Variants in AP3B1 observed in about 807,000 individuals in gnomAD.
The protein encoded by AP3B1 is adaptor related protein complex 3 subunit beta 1.
Under a neutral mutation model 132.5 loss-of-function variants are expected in AP3B1, and 61 were observed. The ratio of observed to expected loss-of-function variants is 0.46; its 90% CI spans 0.37 to 0.57. AP3B1 has a LOEUF of 0.57. Among genes scored for constraint, AP3B1 ranks in the 20% least tolerant of loss-of-function variants. The probability of loss-of-function intolerance (pLI) is 0.00; values close to 1 mark genes in which losing one functional copy is unlikely to be tolerated. For missense variants in AP3B1, 1,120 were observed against 1,289.4 expected, an observed-to-expected ratio of 0.87 and a Z score of 2.01; for synonymous variants, 388 against 438.3, an observed-to-expected ratio of 0.89 and a Z score of 1.43.
rs572179120 is a variant in AP3B1, at chr5:78,148,609, T to C, written c.1474-7290A>G. On this transcript the variant is annotated intron_variant, in intron 14 of 26. Transcript: ENST00000255194. The stretch of plus-strand genomic sequence containing the variant: ...TTTTTAGTTCTAGGTTAATAGAATT[T>C]TCCTTATATTATGCCCCCTTCTTTA... Among the ~76,000 whole-genome samples the C allele has an allele frequency of 1.0e-3, 152 of 152,308 alleles. 2 individuals carry two copies. Among genetic ancestry groups the C allele is most frequent in the Non-Finnish European group, 8.8e-5 (6 of 68,018 alleles).
rs1746510752 is a variant in AP3B1, at chr5:78,228,893, CAAG to C, written c.280-657_280-655del. 3.9e-5 allele frequency among the ~76,000 whole-genome samples: 6 copies of C among 152,158 alleles called. No homozygotes were observed. In the South Asian group the frequency reaches 1.2e-3, roughly 32 times the overall value. ...ATACCAATTTAACGTAATAAAAATT[CAAG>C]AAGATTGGATGTGTGTTCTGGAAAC... On this transcript the variant is annotated intron_variant, in intron 3 of 26. Transcript: ENST00000255194.
intron 21 of AP3B1, among the ~76,000 whole-genome samples, chr5:78,096,779 C>T (rs1242453973): frequency 1.1e-4 from 16 of 151,636 alleles, no homozygotes; most frequent in African/African-American, 1.7e-4. Context: ...GCCCGGCAGC[C>T]GCCCCGTCTG....
chr5:78,110,166 G>C, intron 20 of AP3B1, 41 bp downstream of exon 20: 1 of 1,552,452 alleles, frequency 6.4e-7, no homozygotes, highest in Non-Finnish European at 8.8e-7. Flanking sequence ...GTTGCTATAA[G>C]AATATTTACC....
intron 7 of AP3B1, among the ~76,000 whole-genome samples, chr5:78,204,095 T>G (rs1386649115): frequency 6.6e-6 from 1 of 152,170 alleles, no homozygotes; most frequent in Non-Finnish European, 1.5e-5. Flanking sequence ...TTTCCATTAC[T>G]TTCTTTTTTT....
chr5:78,172,237 G>A (rs530358442), intron 11 of AP3B1, among the ~76,000 whole-genome samples: 3 of 152,258 alleles, frequency 2.0e-5, no homozygotes, highest in East Asian at 3.9e-4. Context: ...TTTAGTATCA[G>A]GATGATGCTG....
chr5:78,168,033 A>C (rs527879527), intron 11 of AP3B1, among the ~76,000 whole-genome samples: 1 of 151,672 alleles, frequency 6.6e-6, no homozygotes, highest in Non-Finnish European at 1.5e-5. Flanking sequence ...AAAAAACAAA[A>C]AAAATAAAAC....
intron 1 of AP3B1, among the ~76,000 whole-genome samples, chr5:78,283,220 C>T (rs1479774849): frequency 1.3e-5 from 2 of 152,070 alleles, no homozygotes; most frequent in Non-Finnish European, 2.9e-5. Context: ...AATAATCTGT[C>T]CAAGTACCAT....
At chr5:78,197,662 T>G (rs1344243196) in intron 7 of AP3B1, among the ~76,000 whole-genome samples, 3 of 152,186 alleles carry the variant, frequency 2.0e-5, no homozygotes, top group Admixed American at 6.5e-5. Flanking sequence ...ATGGATTTCC[T>G]AAGAAATAAA....
intron 1 of AP3B1, among the ~76,000 whole-genome samples, chr5:78,273,024 C>CACATATATGTATGCATATACAT (rs1748614473): frequency 6.6e-6 from 1 of 152,160 alleles, no homozygotes; most frequent in Admixed American, 6.5e-5. Context: ...TACATATACA[C>CACATATATGTATGCATATACAT]ACATATATGT....
At chr5:78,009,467 A>T (rs1010228160) in intron 26 of AP3B1, among the ~76,000 whole-genome samples, 1 of 152,068 alleles carries the variant, frequency 6.6e-6, no homozygotes, top group African/African-American at 2.4e-5. Context: ...AAAAGAAAAA[A>T]AAAAAGAAAT....
intron 7 of AP3B1, among the ~76,000 whole-genome samples, chr5:78,190,728 T>A (rs886382359): frequency 4.7e-4 from 72 of 152,308 alleles, no homozygotes; most frequent in African/African-American, 1.7e-3. Flanking sequence ...ATCAGTTTAT[T>A]GAACATTATA....
intron 1 of AP3B1, among the ~76,000 whole-genome samples, chr5:78,272,613 G>A (rs1246014004): frequency 6.6e-6 from 1 of 152,024 alleles, no homozygotes; most frequent in Non-Finnish European, 1.5e-5. Context: ...TAATAAATAA[G>A]ACATTTTTAA....
chr5:78,074,384 TCACA>T (rs1749673540), intron 22 of AP3B1, among the ~76,000 whole-genome samples: 2 of 152,154 alleles, frequency 1.3e-5, no homozygotes, highest in South Asian at 4.1e-4. Context: ...CAAAATACTG[TCACA>T]CTTTAATTTA....
intron 19 of AP3B1, among the ~76,000 whole-genome samples, chr5:78,112,164 G>A (rs192444930): frequency 6.2e-4 from 95 of 152,282 alleles, no homozygotes; most frequent in African/African-American, 2.2e-3. Flanking sequence ...GGGGGAGGGA[G>A]AGGAGTGAGA....
downstream of AP3B1, chr5:78,001,752 AC>A (rs1463138866): frequency 6.6e-6 from 1 of 152,198 alleles, no homozygotes; most frequent in Non-Finnish European, 1.5e-5. Context: ...GTGGCTCTAT[AC>A]AAAAAGAACT....
Position 78,116,203 on chromosome 5 carries a change from T to A in AP3B1, c.2000A>T (p.Lys667Met). 1 of 1,613,840 alleles carries A rather than the reference T, an allele frequency of 6.2e-7. No individual in the cohort carries two copies. The highest frequency in any genetic ancestry group is 8.5e-7 in the Non-Finnish European group (1 of 1,179,828). ...AAACTTCTTAGCAGAATTCTCTTGC[T>A]TTGCTTTTCCTGCTGGGGTCCATTC... ...AKEWTPAGKA[K>M]QENSAKKFYS... The change falls in exon 18 of 27, where the codon AAG becomes ATG. Residue 667 changes from lysine (K) to methionine (M), a missense_variant. By Grantham distance (95) the Lys-to-Met change is moderately conservative. Transcript: ENST00000255194.
At chr5:78,265,320 G>C (rs1748274532) in intron 2 of AP3B1, among the ~76,000 whole-genome samples, 1 of 152,018 alleles carries the variant, frequency 6.6e-6, no homozygotes, top group South Asian at 2.1e-4. Context: ...GTACACATCT[G>C]TAGTCCCTGC....
intron 22 of AP3B1, among the ~76,000 whole-genome samples, chr5:78,059,087 G>A (rs1748935762): frequency 6.6e-6 from 1 of 152,224 alleles, no homozygotes; most frequent in Admixed American, 6.5e-5. Flanking sequence ...TGAGATTGGA[G>A]GTCATTCTGG....
chr5:78,239,472 GA>G lies in AP3B1; in HGVS notation c.279+1389del, dbSNP rs1302357220. 8.8e-3 allele frequency among the ~76,000 whole-genome samples: 346 copies of G among 39,522 alleles called. 2 individuals carry two copies. Among genetic ancestry groups the G allele is most frequent in the African/African-American group, 0.022 (242 of 11,042 alleles). 25.9% of individuals were successfully genotyped at this position (39,522 alleles called of 152,430 possible). ...GGAGATAGAGAGGAACCCTGTCTCA[GA>G]AAAAAAAAAAAAAAAAAAAGCCAGG... is the stretch of plus-strand genomic sequence containing the variant. On this transcript the variant is annotated intron_variant, in intron 3 of 26. Transcript: ENST00000255194.
Sources: allele counts gnomAD v4.1 joint callset (sites outside exome capture counted in the v4.1 genomes callset), GRCh38; gene constraint gnomAD v4.1.1; transcripts MANE v1.5; gene names NCBI Gene and HGNC (gene_info 2026-07-23, HGNC 2026-07-21).